Variants in RBFOX1 observed in about 807,000 individuals in gnomAD.
RBFOX1 encodes RNA binding protein fox-1 homolog 1.
A neutral mutation model predicts 57.7 loss-of-function variants in RBFOX1; 8 were observed. The observed-to-expected ratio is 0.14, with a 90% CI of 0.08 to 0.25. RBFOX1 has a LOEUF of 0.25. Among genes scored for constraint, RBFOX1 ranks in the 10% least tolerant of loss-of-function variants. The pLI is 1.00. For missense variants in RBFOX1, 611 were observed against 548.5 expected (o/e 1.11, Z -1.14); for synonymous variants, 326 against 222.4 (o/e 1.47, Z -4.15).
At chr16:5,886,540 T>G (rs1324619874) in intron 4 of RBFOX1, among the ~76,000 whole-genome samples, 1 of 152,248 alleles carries the variant, frequency 6.6e-6, no homozygotes, top group Non-Finnish European at 1.5e-5. Context: ...ACATTTGGTC[T>G]TCTTATGTGA....
At chr16:6,166,359 G>C (rs1339172984) in intron 1 of RBFOX1, among the ~76,000 whole-genome samples, 1 of 149,474 alleles carries the variant, frequency 6.7e-6, no homozygotes, top group Non-Finnish European at 1.5e-5. Flanking sequence ...CTAACCAAAG[G>C]TTCCATGGGC....
At chr16:6,650,788 C>T (rs2098583218) in intron 2 of RBFOX1, among the ~76,000 whole-genome samples, 1 of 152,190 alleles carries the variant, frequency 6.6e-6, no homozygotes, top group Admixed American at 6.5e-5. Context: ...CTCATATTAA[C>T]CTTTCCTAAT....
intron 1 of RBFOX1, among the ~76,000 whole-genome samples, chr16:6,259,647 C>T (rs921525883): frequency 1.3e-5 from 2 of 152,052 alleles, no homozygotes; most frequent in Admixed American, 6.5e-5. Flanking sequence ...CGATCATGTA[C>T]GTAGAACAAA....
intron 3 of RBFOX1, chr16:6,705,381 A>G (rs2062552269): frequency 6.6e-6 from 1 of 152,190 alleles, no homozygotes; most frequent in South Asian, 2.1e-4. Flanking sequence ...TGTTTAGCTT[A>G]ATTGGGACAC....
intron 4 of RBFOX1, among the ~76,000 whole-genome samples, chr16:7,471,910 A>G (rs971519157): frequency 3.9e-5 from 6 of 152,174 alleles, no homozygotes; most frequent in Non-Finnish European, 8.8e-5. Flanking sequence ...TCCTGCTTCC[A>G]TGGGTCAAAT....
At chr16:6,748,811 A>G (rs745532417) in intron 3 of RBFOX1, 2 of 152,052 alleles carry the variant, frequency 1.3e-5, no homozygotes, top group Non-Finnish European at 2.9e-5. Flanking sequence ...CTTTCATTCT[A>G]TAAGATTTTA....
intron 4 of RBFOX1, among the ~76,000 whole-genome samples, chr16:7,187,725 A>C (rs977979177): frequency 1.5e-5 from 2 of 132,302 alleles, no homozygotes; most frequent in Non-Finnish European, 3.1e-5. Flanking sequence ...AAAAAAAAAA[A>C]GGAAAAGAAA....
intron 1 of RBFOX1, among the ~76,000 whole-genome samples, chr16:5,308,185 C>CA (rs1159647401): frequency 1.3e-5 from 2 of 151,864 alleles, no homozygotes; most frequent in Admixed American, 6.6e-5. Flanking sequence ...ACTAAAAATA[C>CA]AAAAAATTAG....
chr16:7,674,037 C>T (rs745319370), intron 13 of RBFOX1, among the ~76,000 whole-genome samples: 3 of 152,148 alleles, frequency 2.0e-5, no homozygotes, highest in African/African-American at 4.8e-5. Context: ...TGATTCAAGT[C>T]ACCTGTTAGG....
At chr16:6,239,366 A>G (rs1352174900) in intron 1 of RBFOX1, among the ~76,000 whole-genome samples, 2 of 152,032 alleles carry the variant, frequency 1.3e-5, no homozygotes, top group African/African-American at 4.8e-5. Flanking sequence ...GTATATGGTC[A>G]GTAAATGCTT....
intron 3 of RBFOX1, among the ~76,000 whole-genome samples, chr16:5,622,528 T>A (rs766521750): frequency 2.6e-5 from 4 of 152,240 alleles, no homozygotes; most frequent in Non-Finnish European, 4.4e-5. Flanking sequence ...TTTTAGAAGT[T>A]GACTCTTGTC....
chr16:6,030,979 T>C lies in RBFOX1; in HGVS notation c.-127+10987T>C, dbSNP rs1175328945. On this transcript the variant is annotated intron_variant, in intron 1 of 15. Coordinates refer to ENST00000550418, the MANE Select transcript of RBFOX1 (RefSeq NM_018723.4). The stretch of plus-strand genomic sequence containing the variant: ...CATCTCTGCCTAGTGAAACTTATGC[T>C]GTAGTGAGAGAGACTGACACGAAAC... Among the ~76,000 whole-genome samples the C allele has an allele frequency of 2.0e-5, 3 of 152,274 alleles. No individual in the cohort carries two copies. The East Asian group carries it at 5.8e-4, about 29-fold the overall frequency.
At chr16:6,651,615 A>G (rs1487993648) in intron 2 of RBFOX1, among the ~76,000 whole-genome samples, 1 of 152,186 alleles carries the variant, frequency 6.6e-6, no homozygotes, top group Non-Finnish European at 1.5e-5. Context: ...GTGGGGATGT[A>G]AAATGGTGCA....
chr16:7,591,814 T>C (rs2094456098), intron 7 of RBFOX1, among the ~76,000 whole-genome samples: 1 of 152,164 alleles, frequency 6.6e-6, no homozygotes, highest in Admixed American at 6.5e-5. Flanking sequence ...GGTAAAAATA[T>C]TCATCATCTT....
At chr16:6,762,999 A>T (rs908777320) in intron 3 of RBFOX1, among the ~76,000 whole-genome samples, 1 of 150,468 alleles carries the variant, frequency 6.6e-6, no homozygotes, top group African/African-American at 2.4e-5. Context: ...GCCCAGTGCA[A>T]ATAGGAACAT....
At chr16:7,337,668 T>C (rs940821625) in intron 4 of RBFOX1, among the ~76,000 whole-genome samples, 7 of 152,100 alleles carry the variant, frequency 4.6e-5, no homozygotes, top group Non-Finnish European at 1.0e-4. Context: ...TGAATGTTTT[T>C]TGTGTTTGTT....
rs142973852 is a variant in RBFOX1 at position 7,262,472 on chromosome 16, C to A, written c.27+210374C>A. Among the ~76,000 whole-genome samples the A allele has an allele frequency of 2.0e-3, 301 of 152,336 alleles. 2 individuals are homozygous for A. Among genetic ancestry groups the A allele is most frequent in the African/African-American group, 6.9e-3 (285 of 41,578 alleles). ...TGGATATATGTCTATAGATGTGGATCTATGTATTAAAATTTAGGAGATCAG... is the reference window on the plus strand; with the variant it reads ...TGGATATATGTCTATAGATGTGGATATATGTATTAAAATTTAGGAGATCAG... On this transcript the variant is annotated intron_variant, in intron 4 of 15. Transcript: ENST00000550418.
intron 2 of RBFOX1, among the ~76,000 whole-genome samples, chr16:6,569,321 G>T (rs2097311685): frequency 6.6e-6 from 1 of 152,146 alleles, no homozygotes; most frequent in South Asian, 2.1e-4. Context: ...TGTAGAATAG[G>T]ATCCTAGTAG....
chr16:6,959,584 C>G (rs558349445), intron 3 of RBFOX1, among the ~76,000 whole-genome samples: 1 of 152,112 alleles, frequency 6.6e-6, no homozygotes, highest in African/African-American at 2.4e-5. Context: ...TCCCTCAAGG[C>G]TGAACAGGCA....
Sources: gnomAD v4.1 joint callset for allele counts (sites outside exome capture counted in the v4.1 genomes callset) on GRCh38, gnomAD v4.1.1 for gene constraint, MANE v1.5 for transcripts, NCBI Gene and HGNC (gene_info 2026-07-23, HGNC 2026-07-21) for gene names.